Variants in SPIRE2 observed in about 807,000 individuals in gnomAD.
The protein encoded by SPIRE2 is protein spire homolog 2.
SPIRE2 carries 76 observed loss-of-function variants against 80.7 expected under a neutral mutation model. That is an observed-to-expected ratio of 0.94 (90% CI 0.78 to 1.14). SPIRE2 has a LOEUF of 1.14. Ranked by LOEUF, SPIRE2 falls within the 50% of genes most tolerant of loss-of-function variation. SPIRE2 has a pLI of 0.00. For synonymous variants in SPIRE2, 535 were observed against 432.6 expected (o/e 1.24, Z -2.94); for missense variants, 1,196 against 1,015.3 (o/e 1.18, Z -2.42).
intron 5 of SPIRE2, 43 bp from the exon 6 acceptor site, chr16:89,855,557 G>A (rs1481105360): frequency 2.5e-6 from 4 of 1,575,152 alleles, no homozygotes; most frequent in South Asian, 2.2e-5. Context: ...CTGCACTAGT[G>A]GATGGTCCCT....
At position 89,858,408 on chromosome 16, in the gene SPIRE2, G is replaced by C; in HGVS notation, c.1173G>C (p.Leu391=). 1 of 1,612,248 alleles carries C rather than the reference G, an allele frequency of 6.2e-7. No homozygotes were observed. Among genetic ancestry groups the C allele is most frequent in the Non-Finnish European group, 8.5e-7 (1 of 1,179,670 alleles). ...CCAAGTCCACCTCCTGCATCAACCTGTCAGTCACAGATGCTGGGGGCAGCG... is the reference window on the plus strand; with the variant it reads ...CCAAGTCCACCTCCTGCATCAACCTCTCAGTCACAGATGCTGGGGGCAGCG... ...GDAKSTSCIN[L]SVTDAGGSAQ... is the part of the protein sequence containing the mutation. The change falls in exon 8 of 15, where the codon CTG becomes CTC. Residue 391 remains leucine (L), a synonymous_variant. Coordinates refer to ENST00000378247, the MANE Select transcript of SPIRE2 (RefSeq NM_032451.2).
chr16:89,833,787 G>A (rs62054257), intron 1 of SPIRE2, among the ~76,000 whole-genome samples: 9,460 of 152,264 alleles, frequency 0.062, 463 homozygotes, highest in East Asian at 0.24. Context: ...AATCCCGACC[G>A]GATTCTCAGG....
At position 89,852,735 on chromosome 16, in the gene SPIRE2, G is replaced by C. The variant is rs373161674; in HGVS notation, c.646-1551G>C. 6.3e-3 allele frequency among the ~76,000 whole-genome samples: 157 copies of C among 24,862 alleles called. 2 individuals carry two copies. Among genetic ancestry groups the C allele is most frequent in the East Asian group, 0.015 (13 of 878 alleles). The allele number at this position is 24,862 out of a possible 152,430, so 16.3% of individuals were successfully genotyped here. A position where few individuals can be genotyped will look rare whatever the true frequency, so the allele number is the denominator to read the frequency against. Reference sequence around the variant, plus strand: ...CTTCCGTCCTCCCTCTCACCCCCCGGATCCCATGGCCCGTCTTCCGTCCTC... The same window carrying C: ...CTTCCGTCCTCCCTCTCACCCCCCGCATCCCATGGCCCGTCTTCCGTCCTC... On this transcript the variant is annotated intron_variant, in intron 3 of 14. Transcript: ENST00000378247.
Position 89,854,320 on chromosome 16 carries a change from T to C in SPIRE2, c.680T>C (p.Leu227Pro). Residue 227 changes from leucine (L) to proline (P), a missense_variant, in exon 4 of 15, where the codon CTG (leucine) becomes CCG (proline). Physicochemically the swap from Leu to Pro is moderately conservative, Grantham distance 98. Transcript: ENST00000378247. ...AAGCTTCGGGAGGACGAGCCGCATC[T>C]GGAGACGCCTCGGGCAGAGCTGGAC... ...LQKLREDEPH[L>P]ETPRAELDSL... The C allele has an allele frequency of 6.2e-7, 1 of 1,612,622 alleles. No individual in the cohort carries two copies. Among genetic ancestry groups the C allele is most frequent in the Non-Finnish European group, 8.5e-7 (1 of 1,179,898 alleles).
In SPIRE2 at chr16:89,863,721, G is replaced by A. The variant is rs55999134; in HGVS notation, c.1711-73G>A. The stretch of plus-strand genomic sequence containing the variant: ...TCATGATCTGGTTGGGAGCCCTGAG[G>A]GGGTAGCAGGGACAGGGCGGGACCC... On this transcript the variant is annotated intron_variant, in intron 11 of 14. Coordinates refer to ENST00000378247, the MANE Select transcript of SPIRE2 (RefSeq NM_032451.2). This position sits in a 1 kb window ranked among gnomAD's most constrained non-coding sequence, Gnocchi z 4.3. 1.9e-6 allele frequency: 3 copies of A among 1,605,806 alleles called. No homozygotes were observed. Among genetic ancestry groups the A allele is most frequent in the South Asian group, 2.2e-5 (2 of 90,918 alleles).
chr16:89,857,998 T>G (rs2041707436), intron 7 of SPIRE2, among the ~76,000 whole-genome samples: 1 of 150,660 alleles, frequency 6.6e-6, no homozygotes, highest in African/African-American at 2.4e-5. Context: ...TTCTCCTGCC[T>G]TAGCTTCCCG....
In SPIRE2 at chr16:89,863,339, A is replaced by G. The variant is rs573884582; in HGVS notation, c.1576-137A>G. 2 of 904,228 alleles carry G rather than the reference A, an allele frequency of 2.2e-6. No individual in the cohort carries two copies. Among genetic ancestry groups the G allele is most frequent in the East Asian group, 2.7e-5 (1 of 37,648 alleles). The allele number at this position is 904,228 out of a possible 1,614,324, so 56.0% of individuals were successfully genotyped here. ...TGGGGATGGATGGCTGATGGACAAG[A>G]TGGCTGATGGACAGCGTTTTAGAAG... On this transcript the variant is annotated intron_variant, in intron 10 of 14. Transcript: ENST00000378247. The surrounding 1 kb of genome is among the most constrained non-coding windows in gnomAD (Gnocchi z 4.3).
At position 89,863,657 on chromosome 16, in the gene SPIRE2, G is replaced by A. The variant is rs1351206440; in HGVS notation, c.1710+47G>A. 3 of 1,613,860 alleles carry A rather than the reference G, an allele frequency of 1.9e-6. No individual in the cohort carries two copies. Among genetic ancestry groups the A allele is most frequent in the Non-Finnish European group, 2.5e-6 (3 of 1,179,922 alleles). Reference sequence around the variant, plus strand: ...GCTACGCTCTTGCCCGCTGGGTCAGGGGCGGGTGCCGAGAGGGCCAGTTCC... The same window carrying A: ...GCTACGCTCTTGCCCGCTGGGTCAGAGGCGGGTGCCGAGAGGGCCAGTTCC... On this transcript the variant is annotated intron_variant, in intron 11 of 14. Transcript: ENST00000378247. The surrounding 1 kb of genome is among the most constrained non-coding windows in gnomAD (Gnocchi z 4.3).
At position 89,855,635 on chromosome 16, in the gene SPIRE2, C is replaced by T. The variant is rs148798884; in HGVS notation, c.927C>T (p.Asp309=). ...ACATCCCGCCCCGGGTGAAGAAGGA[C>T]GCTCACGAGCTCATCCTGGACTTTA... is the stretch of plus-strand genomic sequence containing the variant. ...DGDIPPRVKK[D]AHELILDFIR... The change falls in exon 6 of 15, where the codon GAC becomes GAT. Residue 309 remains aspartate, a synonymous_variant. Transcript: ENST00000378247. 429 of 1,612,798 alleles carry T rather than the reference C, an allele frequency of 2.7e-4. No individual in the cohort carries two copies. The highest frequency in any genetic ancestry group is 3.3e-4 in the Middle Eastern group (2 of 6,060).
Position 89,828,745 on chromosome 16 carries a change from C to T in SPIRE2, c.195C>T (p.Leu65=). 1.6e-6 allele frequency: 2 copies of T among 1,220,476 alleles called. No individual in the cohort carries two copies. Among genetic ancestry groups the T allele is most frequent in the Non-Finnish European group, 1.0e-6 (1 of 979,096 alleles). The allele number at this position is 1,220,476 out of a possible 1,614,324, so 75.6% of individuals were successfully genotyped here. ...PGRRLRDTGD[L]LLRGDGSVGA... ...GGCGCCTGCGGGATACCGGGGACCT[C>T]CTGCTGCGCGGGGACGGCTCGGTCG... The change falls in exon 1 of 15, where the codon CTC becomes CTT. Residue 65 remains leucine, a synonymous_variant. Coordinates refer to ENST00000378247, the MANE Select transcript of SPIRE2 (RefSeq NM_032451.2). The surrounding 1 kb of genome is among the most constrained non-coding windows in gnomAD (Gnocchi z 5.9).
At chr16:89,850,755 C>G in intron 3 of SPIRE2, 95 bp downstream of exon 3, 1 of 931,100 alleles carries the variant, frequency 1.1e-6, no homozygotes, top group Non-Finnish European at 1.5e-6. Flanking sequence ...TCTTCGTGGA[C>G]AGAAAGTCAG....
intron 2 of SPIRE2, chr16:89,846,809 C>CA (rs2041565360): frequency 2.0e-5 from 2 of 101,368 alleles, no homozygotes; most frequent in South Asian, 3.8e-4. Context: ...TCACGCCCAG[C>CA]CTTTTTTTTT....
At chr16:89,850,124 C>T (rs1166779514) in intron 2 of SPIRE2, 180 bp from the exon 3 acceptor site, 3 of 712,466 alleles carry the variant, frequency 4.2e-6, no homozygotes, top group Non-Finnish European at 7.6e-6. Flanking sequence ...GTGTGGGCCA[C>T]CGCGCCCGGC....
intron 13 of SPIRE2, among the ~76,000 whole-genome samples, chr16:89,869,053 A>AAAACAAAT: frequency 4.2e-5 from 1 of 24,036 alleles, no homozygotes; most frequent in African/African-American, 1.6e-4. Flanking sequence ...AAAAAAAAAA[A>AAAACAAAT]ATATATATAT....
intron 2 of SPIRE2, 149 bp from the exon 3 acceptor site, chr16:89,850,155 G>C (rs1204115862): frequency 1.3e-6 from 1 of 746,448 alleles, no homozygotes; most frequent in Non-Finnish European, 2.4e-6. Context: ...CTTTTCATCC[G>C]GTCCATGTCT....
chr16:89,837,990 G>A (rs1289188252), intron 1 of SPIRE2, among the ~76,000 whole-genome samples: 1 of 151,752 alleles, frequency 6.6e-6, no homozygotes, highest in East Asian at 1.9e-4. Context: ...CCATTTGCCT[G>A]CTCTCAGCAG....
intron 5 of SPIRE2, 68 bp from the exon 6 acceptor site, chr16:89,855,532 C>A: frequency 7.1e-7 from 1 of 1,405,040 alleles, no homozygotes. Context: ...GCTGAGCAGG[C>A]CTCTCCCAGT....
intron 1 of SPIRE2, among the ~76,000 whole-genome samples, chr16:89,839,708 G>T (rs1342269090): frequency 6.6e-6 from 1 of 152,200 alleles, no homozygotes; most frequent in Admixed American, 6.5e-5. Context: ...AAATGCTATG[G>T]CCTCATCAAG....
At chr16:89,842,894 T>C (rs745968271) in intron 1 of SPIRE2, among the ~76,000 whole-genome samples, 1 of 152,262 alleles carries the variant, frequency 6.6e-6, no homozygotes, top group Non-Finnish European at 1.5e-5. Context: ...TTGCTTTCCA[T>C]TATGTTAATG....
Sources: allele counts gnomAD v4.1 joint callset (sites outside exome capture counted in the v4.1 genomes callset), GRCh38; gene constraint gnomAD v4.1.1; non-coding constraint Gnocchi (gnomAD v3.1); transcripts MANE v1.5; gene names NCBI Gene and HGNC (gene_info 2026-07-23, HGNC 2026-07-21).